Variants in SLC43A2 observed in about 807,000 individuals in gnomAD.
SLC43A2 encodes the protein large neutral amino acids transporter small subunit 4.
Under a neutral mutation model 63.2 loss-of-function variants are expected in SLC43A2, and 38 were observed. The ratio of observed to expected loss-of-function variants is 0.60; its 90% CI spans 0.46 to 0.79. The LOEUF (loss-of-function observed/expected upper bound fraction) is 0.79, where lower values mean the gene tolerates loss of function less well. Ranked by LOEUF, SLC43A2 falls within the 30% of genes least tolerant of loss-of-function variation. The probability of loss-of-function intolerance (pLI) is 0.00; values close to 1 mark genes in which losing one functional copy is unlikely to be tolerated. For synonymous variants in SLC43A2, 322 were observed against 331.0 expected, an observed-to-expected ratio of 0.97 and a Z score of 0.30; for missense variants, 644 against 756.2, an observed-to-expected ratio of 0.85 and a Z score of 1.74.
intron 9 of SLC43A2, 22 bp downstream of exon 9, chr17:1,590,780 C>T (rs185649658): frequency 1.2e-5 from 18 of 1,550,726 alleles, no homozygotes; most frequent in African/African-American, 2.7e-5. Context: ...TGACAGCGAC[C>T]GAGGCTGCCC....
intron 5 of SLC43A2, among the ~76,000 whole-genome samples, chr17:1,603,845 C>T (rs1338669527): frequency 1.3e-5 from 2 of 152,102 alleles, no homozygotes; most frequent in Non-Finnish European, 2.9e-5. Context: ...TCAAGGGACT[C>T]CCCCAAGCTA....
At chr17:1,612,243 T>C (rs1907179459) in intron 5 of SLC43A2, among the ~76,000 whole-genome samples, 1 of 152,042 alleles carries the variant, frequency 6.6e-6, no homozygotes, top group African/African-American at 2.4e-5. Flanking sequence ...GGATTTCAGG[T>C]GTGAGCCACC....
intron 5 of SLC43A2, among the ~76,000 whole-genome samples, chr17:1,609,703 A>G (rs1234117953): frequency 6.6e-6 from 1 of 152,182 alleles, no homozygotes; most frequent in African/African-American, 2.4e-5. Flanking sequence ...ATGATGGTCC[A>G]TCTATATTAA....
rs1316296072 is a variant in SLC43A2, at chr17:1,583,912, T to C, written c.1218-576A>G. Among the ~76,000 whole-genome samples the C allele has an allele frequency of 6.6e-6, 1 of 152,038 alleles. No individual in the cohort carries two copies. The highest frequency in any genetic ancestry group is 6.5e-5 in the Admixed American group (1 of 15,268). ...GTTTTTTTGTTCTTTGGGTTTTTTT[T>C]TGAGATGGAGTCTCGCTCTGTCACC... On this transcript the variant is annotated intron_variant, in intron 10 of 13. Coordinates refer to ENST00000301335, the MANE Select transcript of SLC43A2 (RefSeq NM_152346.3). This position sits in a 1 kb window ranked among gnomAD's most constrained non-coding sequence, Gnocchi z 5.5.
intron 2 of SLC43A2, among the ~76,000 whole-genome samples, chr17:1,621,386 C>T (rs1057131154): frequency 1.3e-5 from 2 of 152,148 alleles, no homozygotes; most frequent in Admixed American, 6.6e-5. Flanking sequence ...CTCCAGGGTG[C>T]GGGCCCCTGG....
intron 13 of SLC43A2, 56 bp downstream of exon 13, chr17:1,576,541 G>T (rs200190154): frequency 1.9e-6 from 3 of 1,545,162 alleles, no homozygotes; most frequent in Non-Finnish European, 2.6e-6. Context: ...CTTGCAGCTC[G>T]CAGTTAGCAG....
At chr17:1,599,937 G>C (rs534394535) in intron 5 of SLC43A2, among the ~76,000 whole-genome samples, 1 of 147,930 alleles carries the variant, frequency 6.8e-6, no homozygotes, top group Non-Finnish European at 1.5e-5. Context: ...CCAGCTACTC[G>C]GGAGGCTGAG....
At chr17:1,604,724 T>A in intron 5 of SLC43A2, 2 of 1,535,728 alleles carry the variant, frequency 1.3e-6, no homozygotes, top group Non-Finnish European at 1.7e-6. Context: ...TAGACCCATC[T>A]GCCCCCTGCC....
At chr17:1,612,971 C>CAG (rs1490152692) in intron 5 of SLC43A2, among the ~76,000 whole-genome samples, 7 of 139,210 alleles carry the variant, frequency 5.0e-5, no homozygotes, top group Admixed American at 1.4e-4. Context: ...GACTCCGTCT[C>CAG]AAAAAAAAAA....
chr17:1,586,928 T>TGCACCCCCCCC, intron 9 of SLC43A2: 1 of 1,232,916 alleles, frequency 8.1e-7, no homozygotes, highest in Non-Finnish European at 1.1e-6. Flanking sequence ...TCCCTGACAA[T>TGCACCCCCCCC]CCCCCCCACC....
upstream of SLC43A2, among the ~76,000 whole-genome samples, chr17:1,630,087 C>T (rs1012280595): frequency 1.3e-5 from 2 of 152,122 alleles, no homozygotes; most frequent in Admixed American, 6.5e-5. Flanking sequence ...AAAATAAAAA[C>T]CAAAAATAAA....
At chr17:1,607,528 G>A (rs1906727917) in intron 5 of SLC43A2, among the ~76,000 whole-genome samples, 2 of 152,112 alleles carry the variant, frequency 1.3e-5, no homozygotes, top group African/African-American at 4.8e-5. Context: ...AATGCCCATG[G>A]AACTCCCTCC....
At chr17:1,581,121 C>T (rs2076005754) in intron 11 of SLC43A2, among the ~76,000 whole-genome samples, 2 of 151,888 alleles carry the variant, frequency 1.3e-5, no homozygotes, top group African/African-American at 2.4e-5. Context: ...GCTCAGCAGC[C>T]AGGACCTGTT....
chr17:1,616,399 T>C, intron 3 of SLC43A2, 163 bp downstream of exon 3: 1 of 684,506 alleles, frequency 1.5e-6, no homozygotes, highest in Non-Finnish European at 2.4e-6. Flanking sequence ...CCACAGTACC[T>C]GCTGATTCGG....
intron 5 of SLC43A2, 135 bp downstream of exon 5, chr17:1,613,060 C>T: frequency 2.6e-6 from 2 of 766,468 alleles, no homozygotes; most frequent in South Asian, 1.7e-5. Flanking sequence ...CCACCTCGCC[C>T]ATAGCCCCTC....
At chr17:1,613,306 C>G (rs1006484275) in intron 4 of SLC43A2, 35 bp from the exon 5 acceptor site, 13 of 1,604,392 alleles carry the variant, frequency 8.1e-6, no homozygotes, top group African/African-American at 2.7e-5. Context: ...AGTGGAGACC[C>G]CAGCTGAGCT....
At chr17:1,602,748 TG>T (rs1906173498) in intron 5 of SLC43A2, among the ~76,000 whole-genome samples, 1 of 151,722 alleles carries the variant, frequency 6.6e-6, no homozygotes, top group South Asian at 2.1e-4. Context: ...CATGGTGTTT[TG>T]TTTTTTCAGT....
chr17:1,585,432 G>C, intron 10 of SLC43A2: 1 of 332,328 alleles, frequency 3.0e-6, no homozygotes, highest in Non-Finnish European at 5.4e-6. Flanking sequence ...TTTTAGTAGA[G>C]ACCGGGTTTT....
Position 1,576,620 on chromosome 17 carries a change from G to T in SLC43A2, c.1525C>A (p.Pro509Thr). The change falls in exon 13 of 14, where the codon CCT (proline) becomes ACT (threonine). Residue 509 changes from proline to threonine, a missense_variant. Physicochemically the swap from Pro to Thr is conservative, Grantham distance 38 (BLOSUM62 -1). Transcript: ENST00000301335. ...QQPLFLAMMG[P>T]LQGDPLWVNV... Reference sequence around the variant, plus strand: ...ACCCACAGAGGGTCTCCCTGGAGAGGACCCATCATGGCCAGAAACAGCGGC... The same window carrying T: ...ACCCACAGAGGGTCTCCCTGGAGAGTACCCATCATGGCCAGAAACAGCGGC... 6.2e-7 allele frequency: 1 copy of T among 1,609,588 alleles called. No individual in the cohort carries two copies.
Sources: allele counts gnomAD v4.1 joint callset (sites outside exome capture counted in the v4.1 genomes callset), GRCh38; gene constraint gnomAD v4.1.1; non-coding constraint Gnocchi (gnomAD v3.1); transcripts MANE v1.5; gene names NCBI Gene and HGNC (gene_info 2026-07-23, HGNC 2026-07-21).